Variants in SLC28A3 observed in about 807,000 individuals in gnomAD.
SLC28A3 encodes the protein solute carrier family 28 member 3.
In SLC28A3, 68 loss-of-function variants were observed where a neutral mutation model predicts 84.2. That is an observed-to-expected ratio of 0.81 (90% CI 0.66 to 0.99). The LOEUF is 0.99. Ranked by LOEUF, SLC28A3 falls within the 50% of genes least tolerant of loss-of-function variation. The pLI is 0.00. For missense variants in SLC28A3, 712 were observed against 841.5 expected (o/e 0.85, Z 1.90); for synonymous variants, 267 against 303.6 (o/e 0.88, Z 1.25).
At chr9:84,287,192 G>A (rs1175241917) in intron 12 of SLC28A3, among the ~76,000 whole-genome samples, 1 of 152,004 alleles carries the variant, frequency 6.6e-6, no homozygotes, top group Non-Finnish European at 1.5e-5. Context: ...AAACAACATT[G>A]TGCAAGTCTG....
intron 1 of SLC28A3, among the ~76,000 whole-genome samples, chr9:84,327,925 CAAAAAAAA>C (rs60624658): frequency 2.8e-5 from 3 of 107,358 alleles, no homozygotes; most frequent in African/African-American, 1.1e-4. Context: ...GACTCCATTT[CAAAAAAAA>C]AAAAAAAAAG....
In SLC28A3 at chr9:84,294,106, C is replaced by T. The variant is rs371772176; in HGVS notation, c.942+89G>A. On this transcript the variant is annotated intron_variant, in intron 9 of 17. Transcript: ENST00000376238. ...TAATGGTAGGAAGAGAAAGGCACTT[C>T]GTAAATACCTGCATAAAAGGCCTTG... 4.1e-5 allele frequency: 49 copies of T among 1,185,266 alleles called. No homozygotes were observed. In the East Asian group the frequency reaches 8.0e-4, roughly 19 times the overall value. 73.4% of individuals were successfully genotyped at this position (1,185,266 alleles called of 1,614,324 possible). A position where few individuals can be genotyped will look rare whatever the true frequency, so the allele number is the denominator to read the frequency against.
the SLC28A3 span, among the ~76,000 whole-genome samples, chr9:84,368,709 A>C: frequency 6.6e-6 from 1 of 151,782 alleles, no homozygotes; most frequent in Admixed American, 6.6e-5. Flanking sequence ...CTCAAGAGGA[A>C]GGAAGGAGTG....
chr9:84,318,139 G>A (rs1485830656), intron 1 of SLC28A3, among the ~76,000 whole-genome samples: 8 of 152,072 alleles, frequency 5.3e-5, no homozygotes, highest in African/African-American at 1.4e-4. Flanking sequence ...CTCAAGTCTC[G>A]GGTGTGCATA....
the SLC28A3 span, among the ~76,000 whole-genome samples, chr9:84,349,143 G>A: frequency 2.0e-5 from 3 of 152,224 alleles, no homozygotes; most frequent in Non-Finnish European, 4.4e-5. Flanking sequence ...GGTTCTTACA[G>A]GTTTTGGGAT....
Position 84,298,463 on chromosome 9 carries a change from G to A in SLC28A3, c.670-444C>T, listed in dbSNP as rs571201210. On this transcript the variant is annotated intron_variant, in intron 6 of 17. Coordinates refer to ENST00000376238, the MANE Select transcript of SLC28A3 (RefSeq NM_001199633.2). ...GATCGCGCCACTTCACTCCAGCCTG[G>A]GCAACAGAGCGAGACTCCATCTCAA... Among the ~76,000 whole-genome samples the A allele has an allele frequency of 4.0e-4, 61 of 152,142 alleles. 1 individual carries two copies. The highest frequency in any genetic ancestry group is 1.4e-3 in the African/African-American group (57 of 41,454).
At chr9:84,328,551 G>A (rs1018330471) in intron 1 of SLC28A3, among the ~76,000 whole-genome samples, 2 of 152,074 alleles carry the variant, frequency 1.3e-5, no homozygotes, top group Admixed American at 6.5e-5. Flanking sequence ...CTGAGGTCAG[G>A]AGTTTGAGAC....
At chr9:84,311,527 A>G (rs1315610406) in intron 2 of SLC28A3, among the ~76,000 whole-genome samples, 1 of 151,566 alleles carries the variant, frequency 6.6e-6, no homozygotes, top group Non-Finnish European at 1.5e-5. Context: ...CCACCATTGT[A>G]GTATCAGGCA....
At chr9:84,311,026 A>G (rs970694766) in intron 2 of SLC28A3, among the ~76,000 whole-genome samples, 3 of 152,102 alleles carry the variant, frequency 2.0e-5, no homozygotes, top group African/African-American at 7.2e-5. Context: ...GACTCCCACA[A>G]TCATGGGACA....
At chr9:84,360,115 A>G in the SLC28A3 span, among the ~76,000 whole-genome samples, 1 of 152,078 alleles carries the variant, frequency 6.6e-6, no homozygotes. Context: ...CTTTGTGGCC[A>G]GACCAGCAGA....
At chr9:84,337,426 G>T (rs1392719449) in intron 1 of SLC28A3, among the ~76,000 whole-genome samples, 1 of 151,904 alleles carries the variant, frequency 6.6e-6, no homozygotes. Context: ...GCCTGGGGAT[G>T]CTAGCCTGTG....
Position 84,285,363 on chromosome 9 carries a change from A to G in SLC28A3, c.1629T>C (p.Gly543=). The change falls in exon 14 of 18, where the codon GGT becomes GGC. Residue 543 remains glycine, a synonymous_variant. Transcript: ENST00000376238. ...TACTCACTGATATATATTGCTGCAC[A>G]CCGTTTACAAATTTGGGTCCACCTT... The part of the protein sequence containing the change: ...RKEGGPKFVN[G]VQQYISIRSE... The G allele has an allele frequency of 6.2e-7, 1 of 1,614,092 alleles. No homozygotes were observed. Among genetic ancestry groups the G allele is most frequent in the Non-Finnish European group, 8.5e-7 (1 of 1,179,976 alleles).
chr9:84,367,970 C>T, the SLC28A3 span, among the ~76,000 whole-genome samples: 894 of 152,244 alleles, frequency 5.9e-3, 14 homozygotes, highest in African/African-American at 0.02. Context: ...TTATCTCAAC[C>T]GCAAAGAGGC....
chr9:84,340,986 T>A (rs1265837187), upstream of SLC28A3, among the ~76,000 whole-genome samples: 1 of 151,768 alleles, frequency 6.6e-6, no homozygotes, highest in East Asian at 1.9e-4. Context: ...TTCTTTCTTT[T>A]TTTTTTTGAG....
At chr9:84,279,213 TTTGA>T (rs141306260) in intron 17 of SLC28A3, 48 bp downstream of exon 17, 64,011 of 1,453,108 alleles carry the variant, frequency 0.044, 1,640 homozygotes, top group Middle Eastern at 0.069. Flanking sequence ...TTAGGTGTGA[TTTGA>T]TTGATTATTA....
intron 1 of SLC28A3, among the ~76,000 whole-genome samples, chr9:84,326,743 TG>T (rs1348558466): frequency 4.3e-4 from 66 of 152,200 alleles, no homozygotes; most frequent in African/African-American, 1.5e-3. Context: ...TGGTGGCTCA[TG>T]CCTGTAATCC....
intron 1 of SLC28A3, among the ~76,000 whole-genome samples, chr9:84,323,035 T>C (rs549335686): frequency 2.4e-4 from 37 of 152,274 alleles, no homozygotes; most frequent in African/African-American, 7.7e-4. Flanking sequence ...TATTTATTTT[T>C]TTATATTTTG....
At chr9:84,323,719 A>G (rs931858508) in intron 1 of SLC28A3, among the ~76,000 whole-genome samples, 1 of 152,076 alleles carries the variant, frequency 6.6e-6, no homozygotes, top group Non-Finnish European at 1.5e-5. Context: ...AAGAAAAACA[A>G]GGATATAATC....
chr9:84,275,809 A>C lies in SLC28A3; in HGVS notation c.*2409T>G, dbSNP rs1824510361. On this transcript the variant is annotated 3_prime_UTR_variant, in exon 18 of 18. Transcript: ENST00000376238. ...GCTCAGGAATAACACCCCCTTTCTC[A>C]GTTCAAGGATGCACAGCATTAATAA... The C allele has an allele frequency of 6.6e-6, 1 of 152,194 alleles. No individual in the cohort carries two copies. The highest frequency in any genetic ancestry group is 1.5e-5 in the Non-Finnish European group (1 of 68,044). The allele number at this position is 152,194 out of a possible 1,614,324, so 9.4% of individuals were successfully genotyped here.
Sources: gnomAD v4.1 joint callset for allele counts (sites outside exome capture counted in the v4.1 genomes callset) on GRCh38, gnomAD v4.1.1 for gene constraint, MANE v1.5 for transcripts, NCBI Gene and HGNC (gene_info 2026-07-23, HGNC 2026-07-21) for gene names.